SERP2: variants seen among roughly 807,000 people sequenced by gnomAD.
The protein encoded by SERP2 is stress-associated endoplasmic reticulum protein 2.
A neutral mutation model predicts 9.1 loss-of-function variants in SERP2; 6 were observed. The observed-to-expected ratio is 0.66, with a 90% CI of 0.36 to 1.30. The LOEUF is 1.30. Ranked by LOEUF, SERP2 falls within the 50% of genes most tolerant of loss-of-function variation. SERP2 has a pLI of 0.03. For synonymous variants in SERP2, 37 were observed against 27.3 expected, an observed-to-expected ratio of 1.35 and a Z score of -1.10; for missense variants, 58 against 81.9, an observed-to-expected ratio of 0.71 and a Z score of 1.13.
chr13:44,397,079 C>CGACTGA (rs1301714407), intron 2 of SERP2, among the ~76,000 whole-genome samples, 193 bp from the exon 3 acceptor site: 1 of 152,180 alleles, frequency 6.6e-6, no homozygotes, highest in African/African-American at 2.4e-5. Context: ...ATCCATCAGC[C>CGACTGA]GACTGAGCGA....
chr13:44,375,847 G>T (rs1241378992), intron 1 of SERP2, among the ~76,000 whole-genome samples: 1 of 151,982 alleles, frequency 6.6e-6, no homozygotes, highest in Admixed American at 6.6e-5. Flanking sequence ...AAAATGTTTG[G>T]GACCCAAAAC....
chr13:44,385,325 C>T (rs1872251160), intron 2 of SERP2, among the ~76,000 whole-genome samples: 2 of 152,280 alleles, frequency 1.3e-5, no homozygotes, highest in South Asian at 4.1e-4. Context: ...TGAGGGGACA[C>T]AGTCCAGGCA....
chr13:44,392,228 G>A (rs917931586), intron 2 of SERP2, among the ~76,000 whole-genome samples: 3 of 115,760 alleles, frequency 2.6e-5, no homozygotes, highest in Non-Finnish European at 5.3e-5. Flanking sequence ...TGTGGTGAGA[G>A]CAGGAGAGCA....
At position 44,387,334 on chromosome 13, in the gene SERP2, A is replaced by G. The variant is rs78570186; in HGVS notation, c.157+7621A>G. Among the ~76,000 whole-genome samples the G allele has an allele frequency of 8.5e-3, 1,295 of 152,194 alleles. 21 individuals are homozygous for G. Among genetic ancestry groups the G allele is most frequent in the African/African-American group, 0.03 (1,228 of 41,502 alleles). On this transcript the variant is annotated intron_variant, in intron 2 of 2. Transcript: ENST00000379179. ...TGAGAAGGACTCCCGGGCTATACCA[A>G]TGCTTAGTGGGAAAGTGGGCTGCAG...
intron 2 of SERP2, among the ~76,000 whole-genome samples, chr13:44,384,938 CTCT>C (rs1872229123): frequency 6.6e-6 from 1 of 152,216 alleles, no homozygotes; most frequent in African/African-American, 2.4e-5. Flanking sequence ...GGGCAAAGTG[CTCT>C]TTTTAGAAAT....
At chr13:44,392,371 T>C (rs902792623) in intron 2 of SERP2, among the ~76,000 whole-genome samples, 3 of 151,786 alleles carry the variant, frequency 2.0e-5, no homozygotes, top group African/African-American at 7.3e-5. Flanking sequence ...AACGGGAAGC[T>C]TTTGATGTGC....
Position 44,397,577 on chromosome 13 carries a change from CTG to C in SERP2, c.*267_*268del, listed in dbSNP as rs1873194982. On this transcript the variant is annotated 3_prime_UTR_variant, in exon 3 of 3. Transcript: ENST00000379179. ...GCCACGCGGGTCGTCCGCAGCAGTG[CTG>C]TTTTTTTGGTTTTTCCCTTGGTTTC... 1 of 540,200 alleles carries C rather than the reference CTG, an allele frequency of 1.9e-6. No homozygotes were observed. The highest frequency in any genetic ancestry group is 2.1e-5 in the South Asian group (1 of 47,958). The allele number at this position is 540,200 out of a possible 1,614,324, so 33.5% of individuals were successfully genotyped here. A position where few individuals can be genotyped will look rare whatever the true frequency, so the allele number is the denominator to read the frequency against.
At chr13:44,388,950 C>T (rs745580999) in intron 2 of SERP2, among the ~76,000 whole-genome samples, 7 of 152,194 alleles carry the variant, frequency 4.6e-5, no homozygotes, top group Non-Finnish European at 1.0e-4. Context: ...CATACACATG[C>T]CAGGGACATA....
chr13:44,381,147 G>A (rs1871945939), intron 2 of SERP2, among the ~76,000 whole-genome samples: 1 of 146,964 alleles, frequency 6.8e-6, no homozygotes, highest in African/African-American at 2.5e-5. Context: ...TGAGGCAGGA[G>A]AATCACTTGA....
chr13:44,396,893 G>A (rs1259834234), intron 2 of SERP2, among the ~76,000 whole-genome samples: 1 of 152,180 alleles, frequency 6.6e-6, no homozygotes, highest in Non-Finnish European at 1.5e-5. Flanking sequence ...TTTTGAAAAG[G>A]CAGACTCACT....
Position 44,394,151 on chromosome 13 carries a change from T to A in SERP2, c.158-3121T>A, listed in dbSNP as rs142418690. The stretch of plus-strand genomic sequence containing the variant: ...TTCTATTATTTTTATTTATTTATTT[T>A]TTTTGAGACGGAGTCTTGCTCTGTC... On this transcript the variant is annotated intron_variant, in intron 2 of 2. Transcript: ENST00000379179. 6.1e-3 allele frequency among the ~76,000 whole-genome samples: 926 copies of A among 152,302 alleles called. 15 individuals are homozygous for A. Among genetic ancestry groups the A allele is most frequent in the South Asian group, 0.042 (202 of 4,822 alleles).
chr13:44,378,131 T>C (rs1214366309), intron 1 of SERP2, among the ~76,000 whole-genome samples: 1 of 152,194 alleles, frequency 6.6e-6, no homozygotes, highest in Non-Finnish European at 1.5e-5. Context: ...ATAAAATAAA[T>C]TCCTTTTTTA....
chr13:44,382,644 T>C (rs114565546), intron 2 of SERP2, among the ~76,000 whole-genome samples: 2,288 of 152,160 alleles, frequency 0.015, 35 homozygotes, highest in African/African-American at 0.051. Context: ...CCTGAAAATA[T>C]ATTATTCTTC....
rs73186939 is a variant in SERP2, at chr13:44,397,387, C to T, written c.*75C>T. On this transcript the variant is annotated 3_prime_UTR_variant, in exon 3 of 3. Transcript: ENST00000379179. ...AACGGAAGCGGTCAGCCAGTTTCTG[C>T]GGGAAACAAGCAGGCCACACGGAAT... The T allele has an allele frequency of 2.6e-6, 3 of 1,171,474 alleles. No homozygotes were observed. The highest frequency in any genetic ancestry group is 1.7e-5 in the Admixed American group (1 of 58,774). The allele number at this position is 1,171,474 out of a possible 1,614,324, so 72.6% of individuals were successfully genotyped here. A position where few individuals can be genotyped will look rare whatever the true frequency, so the allele number is the denominator to read the frequency against.
chr13:44,378,206 C>G (rs1192533992), intron 1 of SERP2, among the ~76,000 whole-genome samples: 1 of 152,176 alleles, frequency 6.6e-6, no homozygotes, highest in Non-Finnish European at 1.5e-5. Context: ...TACAACACAT[C>G]ATAGATTTTA....
At chr13:44,381,338 C>T (rs895354456) in intron 2 of SERP2, among the ~76,000 whole-genome samples, 5 of 151,150 alleles carry the variant, frequency 3.3e-5, no homozygotes, top group African/African-American at 9.7e-5. Context: ...GTCTGGAGTT[C>T]GAGACCATCC....
chr13:44,387,323 G>A (rs916049923), intron 2 of SERP2, among the ~76,000 whole-genome samples: 5 of 151,978 alleles, frequency 3.3e-5, no homozygotes, highest in Non-Finnish European at 5.9e-5. Flanking sequence ...AAGGACTCCC[G>A]GGCTATACCA....
intron 2 of SERP2, among the ~76,000 whole-genome samples, chr13:44,379,919 A>G (rs1871874830): frequency 6.6e-6 from 1 of 152,210 alleles, no homozygotes; most frequent in Admixed American, 6.5e-5. Flanking sequence ...TCAAATCCTA[A>G]TCATAAAATG....
chr13:44,394,021 G>C (rs972234253), intron 2 of SERP2, among the ~76,000 whole-genome samples: 1 of 152,222 alleles, frequency 6.6e-6, no homozygotes, highest in East Asian at 1.9e-4. Flanking sequence ...ATTCAATTAT[G>C]ATCAGGAATG....
Sources: allele counts gnomAD v4.1 joint callset (sites outside exome capture counted in the v4.1 genomes callset), GRCh38; gene constraint gnomAD v4.1.1; transcripts MANE v1.5; gene names NCBI Gene and HGNC (gene_info 2026-07-23, HGNC 2026-07-21).